The following DMD variants were observed in gnomAD, a reference collection of about 807,000 sequenced individuals.
DMD encodes dystrophin.
In DMD, 63 loss-of-function variants were observed where a neutral mutation model predicts 330.1. The ratio of observed to expected loss-of-function variants is 0.19; its 90% confidence interval spans 0.16 to 0.24. DMD has a LOEUF of 0.24. Among genes scored for constraint, DMD ranks in the 10% least tolerant of loss-of-function variants. The probability of loss-of-function intolerance (pLI) is 1.00; values close to 1 mark genes in which losing one functional copy is unlikely to be tolerated. For synonymous variants in DMD, 1,223 were observed against 959.8 expected (o/e 1.27, Z -5.07); for missense variants, 3,344 against 2,684.1 (o/e 1.25, Z -5.43).
chrX:32,858,281 G>T (rs1189391869), intron 2 of DMD, among the ~76,000 whole-genome samples: 1 of 112,005 alleles, frequency 8.9e-6, no homozygotes, highest in Non-Finnish European at 1.9e-5. Context: ...AATTCCTAGA[G>T]ATTTTGCCTT....
intron 17 of DMD, among the ~76,000 whole-genome samples, chrX:32,532,222 G>T (rs1399903603): frequency 9.0e-6 from 1 of 111,691 alleles, no homozygotes; most frequent in East Asian, 2.8e-4. Context: ...TCTTTTCAGT[G>T]AAAAAGGTCT....
At chrX:32,159,533 T>C (rs1009709933) in intron 44 of DMD, among the ~76,000 whole-genome samples, 1 of 111,997 alleles carries the variant, frequency 8.9e-6, no homozygotes, top group Non-Finnish European at 1.9e-5. Flanking sequence ...ATTTGATAAG[T>C]TTTATGTCCT....
At chrX:31,241,832 T>G (rs191425164) in intron 63 of DMD, among the ~76,000 whole-genome samples, 1 of 111,908 alleles carries the variant, frequency 8.9e-6, no homozygotes, top group Admixed American at 9.5e-5. Context: ...GAAGACGGAC[T>G]TCATTATTTC....
At chrX:32,351,446 T>C (rs763359027) in intron 37 of DMD, among the ~76,000 whole-genome samples, 7 of 109,244 alleles carry the variant, frequency 6.4e-5, no homozygotes, top group Non-Finnish European at 1.3e-4. Flanking sequence ...TGCGGCAATA[T>C]AAAAAGTGAT....
chrX:32,213,713 G>A (rs1308389694), intron 44 of DMD, among the ~76,000 whole-genome samples: 1 of 111,745 alleles, frequency 8.9e-6, no homozygotes, highest in African/African-American at 3.3e-5. Flanking sequence ...GGTGGCTCAC[G>A]TCTGCAATCC....
chrX:32,781,987 G>C (rs1008628529), intron 7 of DMD, among the ~76,000 whole-genome samples: 1 of 111,008 alleles, frequency 9.0e-6, no homozygotes, highest in Non-Finnish European at 1.9e-5. Context: ...ATTCATGTAG[G>C]CTCCCAGGTA....
In DMD at chrX:32,859,505, A is replaced by ACACG. The variant is rs1557094185; in HGVS notation, c.94-9686_94-9685insCGTG. ...CACACACACACACACACACACACAC[A>ACACG]CACACAAGTTAAAGTCTTTTCGATA... On this transcript the variant is annotated intron_variant, in intron 2 of 78. Transcript: ENST00000357033. Among the ~76,000 whole-genome samples the ACACG allele has an allele frequency of 9.4e-4, 85 of 90,602 alleles. 1 individual carries two copies. Among genetic ancestry groups the ACACG allele is most frequent in the African/African-American group, 3.9e-3 (80 of 20,553 alleles). 78.7% of individuals were successfully genotyped at this position (90,602 alleles called of 115,157 possible).
intron 9 of DMD, among the ~76,000 whole-genome samples, chrX:32,648,974 C>G (rs1408966415): frequency 9.0e-6 from 1 of 111,645 alleles, no homozygotes; most frequent in East Asian, 2.8e-4. Flanking sequence ...ATGCCAGTAT[C>G]ATCAACTGGA....
chrX:32,680,362 G>GT (rs1390321192), intron 9 of DMD, among the ~76,000 whole-genome samples: 1 of 111,079 alleles, frequency 9.0e-6, no homozygotes, highest in Non-Finnish European at 1.9e-5. Context: ...TTTGAATATT[G>GT]TTTTTTTCAA....
chrX:32,198,108 T>C (rs1277648679), intron 44 of DMD, among the ~76,000 whole-genome samples: 5 of 112,017 alleles, frequency 4.5e-5, no homozygotes, highest in Admixed American at 9.5e-5. Context: ...AGGGGATGTA[T>C]GCATTTGAAA....
Position 31,496,947 on chromosome X carries a change from G to C in DMD, c.8391-3C>G, listed in dbSNP as rs2069924068. On this transcript the variant is annotated splice_region_variant and splice_polypyrimidine_tract_variant and intron_variant, in intron 56 of 78. Coordinates refer to ENST00000357033, the MANE Select transcript of DMD (RefSeq NM_004006.3). ...CAGAACTGGCTTCCAAATGGGACCT[G>C]AAAAAGAACAGCAGCGTACCATGTC... is the stretch of plus-strand genomic sequence containing the variant. 3.3e-6 allele frequency: 4 copies of C among 1,204,630 alleles called. No homozygotes were observed. Among genetic ancestry groups the C allele is most frequent in the Non-Finnish European group, 4.5e-6 (4 of 891,986 alleles).
At chrX:33,157,250 G>T (rs2148650859) in intron 1 of DMD, among the ~76,000 whole-genome samples, 1 of 111,218 alleles carries the variant, frequency 9.0e-6, no homozygotes, top group South Asian at 3.9e-4. Flanking sequence ...CTCTTTCTTA[G>T]CTTCTGGTAT....
rs182828278 is a variant in DMD, at chrX:31,360,570, A to G, written c.9085-11936T>C. Among the ~76,000 whole-genome samples, 553 of 112,574 alleles carry G rather than the reference A, an allele frequency of 4.9e-3. 7 individuals carry two copies. The highest frequency in any genetic ancestry group is 0.017 in the African/African-American group (533 of 31,008). ...AAGCGAAGAGAGGATAAGCTGCCAG[A>G]AACGAAAACAAGAGATGTTCTGTGT... On this transcript the variant is annotated intron_variant, in intron 60 of 78. Transcript: ENST00000357033.
intron 15 of DMD, among the ~76,000 whole-genome samples, chrX:32,569,432 T>G (rs1446865276): frequency 3.6e-5 from 4 of 111,511 alleles, no homozygotes; most frequent in African/African-American, 1.3e-4. Context: ...ATTACAGAGG[T>G]TCTCATCTTG....
intron 2 of DMD, among the ~76,000 whole-genome samples, chrX:32,939,288 G>GAT (rs1187815695): frequency 2.5e-4 from 27 of 107,665 alleles, no homozygotes; most frequent in African/African-American, 8.4e-4. Context: ...ATATATTTGA[G>GAT]ATATATATAT....
chrX:32,547,119 G>A (rs1180119906), intron 16 of DMD, among the ~76,000 whole-genome samples: 1 of 111,079 alleles, frequency 9.0e-6, no homozygotes, highest in Admixed American at 9.6e-5. Flanking sequence ...GTGGAGGCTA[G>A]AAGATAATAT....
intron 9 of DMD, among the ~76,000 whole-genome samples, chrX:32,681,549 G>A (rs2062425071): frequency 9.0e-6 from 1 of 111,684 alleles, no homozygotes; most frequent in Non-Finnish European, 1.9e-5. Flanking sequence ...TGCAGGACCT[G>A]CTTCAAAACC....
intron 44 of DMD, among the ~76,000 whole-genome samples, chrX:32,033,653 G>GAAAGAAGAAAGAAAGAAAGAAAGA (rs201179363): frequency 1.7e-5 from 1 of 59,097 alleles, no homozygotes; most frequent in African/African-American, 7.0e-5. Context: ...AAGAAAGAAA[G>GAAAGAAGAAAGAAAGAAAGAAAGA]AAGAAAGAAA....
chrX:31,455,569 G>C (rs983908508), intron 59 of DMD, among the ~76,000 whole-genome samples: 1 of 112,243 alleles, frequency 8.9e-6, no homozygotes, highest in African/African-American at 3.2e-5. Flanking sequence ...ACCTGACATA[G>C]AGTTCCTAAA....
Sources: gnomAD v4.1 joint callset for allele counts (sites outside exome capture counted in the v4.1 genomes callset) on GRCh38, gnomAD v4.1.1 for gene constraint, MANE v1.5 for transcripts, NCBI Gene and HGNC (gene_info 2026-07-23, HGNC 2026-07-21) for gene names.